Variants in LRP3 observed in about 807,000 individuals in gnomAD.
The protein encoded by LRP3 is low-density lipoprotein receptor-related protein 3.
Under a neutral mutation model 58.5 loss-of-function variants are expected in LRP3, and 49 were observed. The observed-to-expected ratio is 0.84, with a 90% confidence interval of 0.67 to 1.06. LRP3 has a LOEUF of 1.06. Ranked by LOEUF, LRP3 falls within the 50% of genes least tolerant of loss-of-function variation. LRP3 has a pLI of 0.00. For synonymous variants in LRP3, 485 were observed against 492.2 expected (o/e 0.99, Z 0.20); for missense variants, 1,019 against 1,134.2 (o/e 0.90, Z 1.46).
Position 33,202,601 on chromosome 19 carries a change from C to T in LRP3, c.122-247C>T, listed in dbSNP as rs79026385. Among the ~76,000 whole-genome samples, 1,082 of 152,286 alleles carry T rather than the reference C, an allele frequency of 7.1e-3. 12 individuals are homozygous for T. The highest frequency in any genetic ancestry group is 0.025 in the African/African-American group (1,043 of 41,542). On this transcript the variant is annotated intron_variant, in intron 2 of 6. Coordinates refer to ENST00000253193, the MANE Select transcript of LRP3 (RefSeq NM_002333.4). ...CTGCCAGAGATGCGGGGGACAGGAC[C>T]TAGGCTGTAGTCCACTGCATAGGGT...
chr19:33,196,849 C>A, intron 2 of LRP3, 72 bp downstream of exon 2: 1 of 1,380,786 alleles, frequency 7.2e-7, no homozygotes, highest in Non-Finnish European at 1.0e-6. Context: ...GAAGACAGGC[C>A]TTCAGGGTCC....
intron 3 of LRP3, chr19:33,203,762 C>A (rs555626539): frequency 6.6e-6 from 1 of 152,272 alleles, no homozygotes; most frequent in East Asian, 1.9e-4. Flanking sequence ...GCAGAGGTGT[C>A]CTCTCTGTCC....
rs779114734 is a variant in LRP3 at position 33,204,657 on chromosome 19, G to C, written c.280G>C (p.Glu94Gln). ...CCGCAGCTTCCGCAACTTTGACGTGGAGGAGTCCCACCAGTGCTCCCTGGA... is the reference window on the plus strand; with the variant it reads ...CCGCAGCTTCCGCAACTTTGACGTGCAGGAGTCCCACCAGTGCTCCCTGGA... ...ITISFRNFDV[E>Q]ESHQCSLDWL... The change falls in exon 4 of 7, where the codon GAG becomes CAG. Residue 94 changes from glutamate to glutamine, a missense_variant. Physicochemically the swap from Glu to Gln is conservative, Grantham distance 29. This residue lies in a region of LRP3 where 592 missense variants were observed against 725.5 expected (regional missense o/e 0.82). Coordinates refer to ENST00000253193, the MANE Select transcript of LRP3 (RefSeq NM_002333.4). The C allele has an allele frequency of 1.9e-6, 3 of 1,606,630 alleles. No homozygotes were observed. The highest frequency in any genetic ancestry group is 2.5e-6 in the Non-Finnish European group (3 of 1,179,328).
Position 33,207,526 on chromosome 19 carries a change from G to A in LRP3, c.2264G>A (p.Cys755Tyr), listed in dbSNP as rs1176430081. The change falls in exon 7 of 7, where the codon TGC (cysteine) becomes TAC (tyrosine). Residue 755 changes from cysteine to tyrosine, a missense_variant. By Grantham distance (194) the Cys-to-Tyr change is radical (BLOSUM62 -2). Around this residue, in one of 2 missense-constraint regions of LRP3, gnomAD observed 427 missense variants for 408.6 expected, o/e 1.04. Coordinates refer to ENST00000253193, the MANE Select transcript of LRP3 (RefSeq NM_002333.4). The stretch of plus-strand genomic sequence containing the variant: ...GTCTGCAGGAACCCCCCGCCCCCCT[G>A]CTCCCCAATGCTGGAGGCCAGCGAT... ...LGVCRNPPPP[C>Y]SPMLEASDDE... The A allele has an allele frequency of 4.4e-6, 7 of 1,605,588 alleles. No individual in the cohort carries two copies. The African/African-American group carries it at 9.3e-5, about 21-fold the overall frequency.
chr19:33,204,045 CGTGAGGAT>C (rs1974372082), intron 3 of LRP3: 1 of 153,174 alleles, frequency 6.5e-6, no homozygotes, highest in Non-Finnish European at 1.5e-5. Flanking sequence ...AGCTGCAATG[CGTGAGGAT>C]GTGATGGGCA....
intron 2 of LRP3, among the ~76,000 whole-genome samples, chr19:33,202,286 G>C (rs1974349124): frequency 6.6e-6 from 1 of 152,226 alleles, no homozygotes; most frequent in Non-Finnish European, 1.5e-5. Context: ...GAGGGGTTCT[G>C]CGTAAAGTTC....
At chr19:33,195,146 C>T (rs1974272912) in intron 1 of LRP3, among the ~76,000 whole-genome samples, 2 of 152,146 alleles carry the variant, frequency 1.3e-5, no homozygotes, top group African/African-American at 4.8e-5. Context: ...CAACCCGGCC[C>T]GCCCGCGCTG....
At position 33,195,354 on chromosome 19, in the gene LRP3, T is replaced by C. The variant is rs574053313; in HGVS notation, c.73+496T>C. 5.3e-5 allele frequency among the ~76,000 whole-genome samples: 8 copies of C among 152,174 alleles called. No homozygotes were observed. The South Asian group carries it at 1.7e-3, about 32-fold the overall frequency. ...AGGGGACTCCTGTTTTCCCTTTGTG[T>C]CTCTCAGCCCCCAGGCAGGCCTGTT... On this transcript the variant is annotated intron_variant, in intron 1 of 6. Coordinates refer to ENST00000253193, the MANE Select transcript of LRP3 (RefSeq NM_002333.4).
At chr19:33,205,086 C>A in intron 4 of LRP3, 160 bp from the exon 5 acceptor site, 1 of 862,742 alleles carries the variant, frequency 1.2e-6, no homozygotes, top group Non-Finnish European at 1.8e-6. Flanking sequence ...TCACCCCTAA[C>A]CCCAGGCTCA....
intron 3 of LRP3, 81 bp downstream of exon 3, chr19:33,203,067 G>T: frequency 1.3e-6 from 2 of 1,509,606 alleles, no homozygotes; most frequent in South Asian, 1.2e-5. Flanking sequence ...TGTGTGAGCA[G>T]GTGTGGAGGG....
Position 33,206,255 on chromosome 19 carries a change from C to A in LRP3, c.1485C>A (p.Arg495=), listed in dbSNP as rs1974408509. ...ATGGGTGCCTGGCCGCCGTGCCCCG[C>A]AAGGTCATCACGGCGGCGCTCATTG... The part of the protein sequence containing the change: ...DEHGCLAAVP[R]KVITAALIGS... Residue 495 remains arginine, a synonymous_variant, in exon 5 of 7, where the codon CGC becomes CGA. Transcript: ENST00000253193. The A allele has an allele frequency of 6.3e-7, 1 of 1,598,988 alleles. No homozygotes were observed. The highest frequency in any genetic ancestry group is 2.2e-5 in the East Asian group (1 of 44,476).
chr19:33,198,586 A>C (rs989231107), intron 2 of LRP3, among the ~76,000 whole-genome samples: 3 of 151,830 alleles, frequency 2.0e-5, no homozygotes, highest in Non-Finnish European at 4.4e-5. Context: ...CCCCTTCTCC[A>C]CCCTAACTAG....
rs781767560 is a variant in LRP3 at position 33,204,804 on chromosome 19, G to A, written c.427G>A (p.Ala143Thr). 17 of 1,613,416 alleles carry A rather than the reference G, an allele frequency of 1.1e-5. No individual in the cohort carries two copies. The highest frequency in any genetic ancestry group is 3.3e-5 in the South Asian group (3 of 91,084). Residue 143 changes from alanine to threonine, a missense_variant, in exon 4 of 7, where the codon GCC (alanine) becomes ACC (threonine). By Grantham distance (58) the Ala-to-Thr change is moderately conservative. Around this residue, in one of 2 missense-constraint regions of LRP3, gnomAD observed 592 missense variants for 725.5 expected, o/e 0.82. Coordinates refer to ENST00000253193, the MANE Select transcript of LRP3 (RefSeq NM_002333.4). ...TGTCTGGATTTTCTTCCACTCAGAC[G>A]CCTCCAGCTCCGGCCAGGCCCAGGG... The part of the protein sequence containing the change: ...DHVWIFFHSD[A>T]SSSGQAQGFR...
In LRP3 at chr19:33,205,661, G is replaced by A. The variant is rs772497913; in HGVS notation, c.891G>A (p.Gln297=). Residue 297 remains glutamine, a synonymous_variant, in exon 5 of 7, where the codon CAG becomes CAA. Transcript: ENST00000253193. ...DTQDSRRVLL[Q]LELRLGYDDY... ...AGGACTCCCGGCGGGTGCTGCTGCA[G>A]CTGGAACTGCGGCTGGGCTATGACG... The A allele has an allele frequency of 3.1e-6, 5 of 1,609,224 alleles. No homozygotes were observed. In the Admixed American group the frequency reaches 8.3e-5, roughly 27 times the overall value.
In LRP3 at chr19:33,205,423, C is replaced by A; in HGVS notation, c.653C>A (p.Pro218Gln). The change falls in exon 5 of 7, where the codon CCA becomes CAA. Residue 218 changes from proline to glutamine, a missense_variant. This residue lies in a region of LRP3 where 592 missense variants were observed against 725.5 expected (regional missense o/e 0.82). Coordinates refer to ENST00000253193, the MANE Select transcript of LRP3 (RefSeq NM_002333.4). ...PGSLCPGGTFPCSGARSTRCL... is the reference protein window; with the variant it reads ...PGSLCPGGTFQCSGARSTRCL... ...AGCCTGTGCCCCGGGGGGACCTTCC[C>A]ATGCAGCGGGGCGCGCTCCACGCGC... is the stretch of plus-strand genomic sequence containing the variant. 6.3e-7 allele frequency: 1 copy of A among 1,593,016 alleles called. No homozygotes were observed. The highest frequency in any genetic ancestry group is 8.6e-7 in the Non-Finnish European group (1 of 1,169,504).
intron 3 of LRP3, among the ~76,000 whole-genome samples, chr19:33,203,643 G>A (rs1974367799): frequency 6.6e-6 from 1 of 152,204 alleles, no homozygotes; most frequent in African/African-American, 2.4e-5. Context: ...TCGTTCATGG[G>A]GTGTGGGGGG....
intron 2 of LRP3, among the ~76,000 whole-genome samples, chr19:33,199,704 A>C (rs1974322014): frequency 6.6e-6 from 1 of 152,156 alleles, no homozygotes; most frequent in South Asian, 2.1e-4. Context: ...ACCCGTTGTC[A>C]GGGTTTTGCT....
intron 1 of LRP3, among the ~76,000 whole-genome samples, chr19:33,195,186 G>A (rs1974273455): frequency 6.6e-6 from 1 of 152,206 alleles, no homozygotes; most frequent in Admixed American, 6.5e-5. Context: ...CCCGGGAGCT[G>A]GGGACAAAGG....
chr19:33,197,880 CCT>C (rs1007252131), intron 2 of LRP3, among the ~76,000 whole-genome samples: 1 of 152,150 alleles, frequency 6.6e-6, no homozygotes, highest in Non-Finnish European at 1.5e-5. Context: ...GGCCTCTTTC[CCT>C]CTCTCTCTGC....
Sources: allele counts gnomAD v4.1 joint callset (sites outside exome capture counted in the v4.1 genomes callset), GRCh38; gene constraint gnomAD v4.1.1; regional missense constraint gnomAD v4.1.1; transcripts MANE v1.5; gene names NCBI Gene and HGNC (gene_info 2026-07-23, HGNC 2026-07-21).